Variants in NTRK2 observed in about 807,000 individuals in gnomAD.
The protein encoded by NTRK2 is neurotrophic receptor tyrosine kinase 2.
NTRK2 carries 13 observed loss-of-function variants against 94.5 expected under a neutral mutation model. The observed-to-expected ratio is 0.14, with a 90% CI of 0.09 to 0.22. The LOEUF (loss-of-function observed/expected upper bound fraction) is 0.22, where lower values mean the gene tolerates loss of function less well. Ranked by LOEUF, NTRK2 falls within the 10% of genes least tolerant of loss-of-function variation. NTRK2 has a pLI of 1.00. For missense variants in NTRK2, 639 were observed against 1,071.2 expected, an observed-to-expected ratio of 0.60 and a Z score of 5.63; for synonymous variants, 372 against 407.4, an observed-to-expected ratio of 0.91 and a Z score of 1.05.
chr9:84,824,716 A>G (rs1053860101), intron 12 of NTRK2, among the ~76,000 whole-genome samples: 4 of 152,220 alleles, frequency 2.6e-5, no homozygotes, highest in African/African-American at 7.2e-5. Context: ...TTCTGGGCCT[A>G]TGAGACACAC....
intron 12 of NTRK2, among the ~76,000 whole-genome samples, chr9:84,770,697 A>G (rs892452151): frequency 1.3e-5 from 2 of 152,064 alleles, no homozygotes; most frequent in African/African-American, 4.8e-5. Flanking sequence ...GGTGTAGATT[A>G]TAGTTACCAT....
chr9:85,021,561 A>G lies in NTRK2; in HGVS notation c.*124A>G. On this transcript the variant is annotated 3_prime_UTR_variant, in exon 19 of 19. Coordinates refer to ENST00000277120, the MANE Select transcript of NTRK2 (RefSeq NM_006180.6). ...CCTTCACTCTGACAGTATTAACATC[A>G]AAGACTCCGAGAAGCTCTCGAGGGA... The G allele has an allele frequency of 1.1e-6, 1 of 934,186 alleles. No homozygotes were observed. Among genetic ancestry groups the G allele is most frequent in the South Asian group, 1.3e-5 (1 of 74,354 alleles). 57.9% of individuals were successfully genotyped at this position (934,186 alleles called of 1,614,324 possible).
At chr9:84,832,726 C>CA (rs2073634299) in intron 12 of NTRK2, among the ~76,000 whole-genome samples, 1 of 152,210 alleles carries the variant, frequency 6.6e-6, no homozygotes, top group Admixed American at 6.5e-5. Context: ...CCTGCCTTCT[C>CA]CTTCATTTCA....
intron 17 of NTRK2, among the ~76,000 whole-genome samples, chr9:84,959,938 T>G (rs1357530113): frequency 6.6e-6 from 1 of 152,214 alleles, no homozygotes; most frequent in Non-Finnish European, 1.5e-5. Context: ...TGTGATCTGT[T>G]GATGAGTGGA....
At chr9:84,994,572 C>T (rs1829502756) in intron 17 of NTRK2, among the ~76,000 whole-genome samples, 1 of 152,096 alleles carries the variant, frequency 6.6e-6, no homozygotes, top group African/African-American at 2.4e-5. Flanking sequence ...TTATTGTTAC[C>T]ACTCCCAGAT....
intron 2 of NTRK2, among the ~76,000 whole-genome samples, chr9:84,683,818 C>T (rs181544309): frequency 3.2e-4 from 48 of 152,266 alleles, no homozygotes; most frequent in East Asian, 2.3e-3. Context: ...AGTGTAAAAG[C>T]GTTCCTATTT....
intron 12 of NTRK2, among the ~76,000 whole-genome samples, chr9:84,770,660 T>C (rs186590234): frequency 5.1e-4 from 78 of 152,362 alleles, no homozygotes; most frequent in African/African-American, 1.8e-3. Context: ...TGGGGGAATC[T>C]TAAAAGTTAA....
intron 14 of NTRK2, among the ~76,000 whole-genome samples, chr9:84,906,287 A>C (rs1279238647): frequency 6.6e-6 from 1 of 152,088 alleles, no homozygotes; most frequent in Non-Finnish European, 1.5e-5. Context: ...AAATGAGAGA[A>C]CTAGTGTCAC....
chr9:84,869,210 G>T (rs1300256500), intron 14 of NTRK2, among the ~76,000 whole-genome samples: 2 of 152,112 alleles, frequency 1.3e-5, no homozygotes, highest in Non-Finnish European at 2.9e-5. Context: ...AAAGGTTTGG[G>T]TTCCTTTTGG....
intron 14 of NTRK2, among the ~76,000 whole-genome samples, chr9:84,921,516 C>G (rs2077566221): frequency 6.6e-6 from 1 of 152,152 alleles, no homozygotes; most frequent in Non-Finnish European, 1.5e-5. Context: ...AAAAATACAT[C>G]TGGTGGCTGC....
At chr9:84,843,583 G>A (rs919751190) in intron 12 of NTRK2, among the ~76,000 whole-genome samples, 1 of 152,172 alleles carries the variant, frequency 6.6e-6, no homozygotes, top group Non-Finnish European at 1.5e-5. Flanking sequence ...ACTCAAAGGT[G>A]TGGCTCTCCA....
chr9:84,869,614 GTA>G (rs2075752190), intron 14 of NTRK2, among the ~76,000 whole-genome samples: 1 of 151,806 alleles, frequency 6.6e-6, no homozygotes, highest in African/African-American at 2.4e-5. Flanking sequence ...TAAGTAGTGA[GTA>G]TGAGCACTCT....
chr9:84,816,772 C>G (rs2072438970), intron 12 of NTRK2, among the ~76,000 whole-genome samples: 1 of 116,072 alleles, frequency 8.6e-6, no homozygotes. Flanking sequence ...CAGCAAGACT[C>G]CATCTCAAAA....
rs1409083979 is a variant in NTRK2 at position 84,727,844 on chromosome 9, G to A, written c.1044G>A (p.Leu348=). The change falls in exon 9 of 19, where the codon CTG becomes CTA. Residue 348 remains leucine, a synonymous_variant. Transcript: ENST00000277120. ...CGGAGTACCACGGCTGCCTCCAGCT[G>A]GATAATCCCACTCACATGAACAATG... ...NHTEYHGCLQ[L]DNPTHMNNGD... The A allele has an allele frequency of 6.2e-7, 1 of 1,614,142 alleles. No homozygotes were observed. The highest frequency in any genetic ancestry group is 8.5e-7 in the Non-Finnish European group (1 of 1,180,016).
At chr9:84,866,621 C>T (rs1260293365) in intron 13 of NTRK2, among the ~76,000 whole-genome samples, 1 of 152,166 alleles carries the variant, frequency 6.6e-6, no homozygotes, top group East Asian at 1.9e-4. Flanking sequence ...TCATACACTG[C>T]TGGTGGGAAT....
intron 14 of NTRK2, among the ~76,000 whole-genome samples, chr9:84,878,476 A>C (rs1304058074): frequency 6.6e-6 from 1 of 151,882 alleles, no homozygotes; most frequent in Non-Finnish European, 1.5e-5. Flanking sequence ...TCTACTAAAA[A>C]TACAAAAATT....
At chr9:84,875,663 C>A in intron 14 of NTRK2, 1 of 1,055,576 alleles carries the variant, frequency 9.5e-7, no homozygotes, top group Non-Finnish European at 1.1e-6. Flanking sequence ...CTTGGCTGTG[C>A]AAGGACCTCT....
intron 14 of NTRK2, among the ~76,000 whole-genome samples, chr9:84,930,473 G>A (rs1051938547): frequency 6.6e-6 from 1 of 152,168 alleles, no homozygotes; most frequent in African/African-American, 2.4e-5. Context: ...GCTCTAGCAC[G>A]AGGGAGAGGG....
chr9:85,016,838 A>G (rs928829468), intron 17 of NTRK2, among the ~76,000 whole-genome samples: 1 of 152,192 alleles, frequency 6.6e-6, no homozygotes, highest in South Asian at 2.1e-4. Context: ...AGCATTATTT[A>G]TAACAGCATG....
Sources: allele counts gnomAD v4.1 joint callset (sites outside exome capture counted in the v4.1 genomes callset), GRCh38; gene constraint gnomAD v4.1.1; transcripts MANE v1.5; gene names NCBI Gene and HGNC (gene_info 2026-07-23, HGNC 2026-07-21).